NOP58: variants seen among roughly 807,000 people sequenced by gnomAD.
The protein encoded by NOP58 is NOP58 ribonucleoprotein.
Under a neutral mutation model 71.2 loss-of-function variants are expected in NOP58, and 44 were observed. The ratio of observed to expected loss-of-function variants is 0.62; its 90% CI spans 0.49 to 0.79. The LOEUF is 0.79. NOP58 is among the 30% of genes least tolerant of loss of function. The pLI is 0.00. For missense variants in NOP58, 538 were observed against 620.2 expected, an observed-to-expected ratio of 0.87 and a Z score of 1.41; for synonymous variants, 228 against 200.3, an observed-to-expected ratio of 1.14 and a Z score of -1.17.
At chr2:202,289,545 T>C (rs184614612) in intron 6 of NOP58, among the ~76,000 whole-genome samples, 1 of 152,302 alleles carries the variant, frequency 6.6e-6, no homozygotes, top group East Asian at 1.9e-4. Context: ...CTCATACGTG[T>C]TTGCAAATAC....
intron 14 of NOP58, 132 bp from the exon 15 acceptor site, chr2:202,303,254 G>T (rs1230910173): frequency 5.0e-6 from 7 of 1,403,682 alleles, no homozygotes; most frequent in Non-Finnish European, 6.8e-6. Context: ...TAAAAATCAA[G>T]TTTGCATTGA....
At chr2:202,280,648 A>T (rs1413586395) in intron 3 of NOP58, among the ~76,000 whole-genome samples, 28 of 151,220 alleles carry the variant, frequency 1.9e-4, no homozygotes, top group East Asian at 1.4e-3. Context: ...TTTTTTTTTT[A>T]AATAAAGAAA....
Position 202,291,149 on chromosome 2 carries a change from C to T in NOP58, c.659C>T (p.Ala220Val). Residue 220 changes from alanine (A) to valine (V), a missense_variant, in exon 8 of 15, where the codon GCC becomes GTC. Physicochemically the swap from Ala to Val is moderately conservative, Grantham distance 64. Transcript: ENST00000264279. ...KVGDRKNYAS[A>V]KLSELLPEEV... ...GGCGATAGGAAGAACTATGCCTCTGCCAAGCTTTCTGAGTTGCTGCCAGAA... is the reference window on the plus strand; with the variant it reads ...GGCGATAGGAAGAACTATGCCTCTGTCAAGCTTTCTGAGTTGCTGCCAGAA... The T allele has an allele frequency of 6.2e-7, 1 of 1,611,106 alleles. No individual in the cohort carries two copies. The highest frequency in any genetic ancestry group is 8.5e-7 in the Non-Finnish European group (1 of 1,179,248).
At chr2:202,267,530 C>A (rs1688437920) in intron 1 of NOP58, among the ~76,000 whole-genome samples, 1 of 152,108 alleles carries the variant, frequency 6.6e-6, no homozygotes, top group African/African-American at 2.4e-5. Flanking sequence ...TTTAGAGCTA[C>A]GAAACATGTC....
chr2:202,295,605 C>T, intron 9 of NOP58, 69 bp from the exon 10 acceptor site: 1 of 1,118,478 alleles, frequency 8.9e-7, no homozygotes, highest in Non-Finnish European at 1.2e-6. Context: ...TTCTATAGGT[C>T]TTTTGTTTCA....
At chr2:202,267,621 A>G (rs1302874608) in intron 1 of NOP58, among the ~76,000 whole-genome samples, 2 of 152,180 alleles carry the variant, frequency 1.3e-5, no homozygotes, top group African/African-American at 2.4e-5. Flanking sequence ...TCTCTTAGCC[A>G]ATGTGGTCTG....
intron 1 of NOP58, among the ~76,000 whole-genome samples, chr2:202,268,814 T>C (rs1688463634): frequency 6.6e-6 from 1 of 151,840 alleles, no homozygotes; most frequent in South Asian, 2.1e-4. Context: ...TTTCTCCATG[T>C]TGAGGCTGGT....
At chr2:202,266,917 A>G (rs115886091) in intron 1 of NOP58, among the ~76,000 whole-genome samples, 4,845 of 152,266 alleles carry the variant, frequency 0.032, 232 homozygotes, top group African/African-American at 0.11. Flanking sequence ...TGCGTTGTCT[A>G]TTAGACCTGA....
intron 8 of NOP58, 85 bp downstream of exon 8, chr2:202,291,355 CTTA>C (rs1390169195): frequency 3.0e-6 from 3 of 1,007,494 alleles, no homozygotes; most frequent in Non-Finnish European, 2.9e-6. Flanking sequence ...GATTTTTACA[CTTA>C]TTGTTGTTCA....
At chr2:202,269,275 G>A (rs529191656) in intron 1 of NOP58, among the ~76,000 whole-genome samples, 1 of 150,108 alleles carries the variant, frequency 6.7e-6, no homozygotes, top group South Asian at 2.1e-4. Flanking sequence ...GGGTTCAAAC[G>A]ATTTTCCTGC....
intron 11 of NOP58, 103 bp downstream of exon 11, chr2:202,297,616 T>C (rs533168538): frequency 4.2e-6 from 5 of 1,181,416 alleles, no homozygotes; most frequent in East Asian, 2.5e-5. Flanking sequence ...ATGATACTTA[T>C]TAGTATGTCT....
At chr2:202,285,941 TC>T (rs1261116283) in intron 5 of NOP58, among the ~76,000 whole-genome samples, 1 of 152,112 alleles carries the variant, frequency 6.6e-6, no homozygotes, top group Non-Finnish European at 1.5e-5. Context: ...ACGCCTGTAA[TC>T]CCAACACTTT....
At chr2:202,282,250 C>A (rs1688717925) in intron 3 of NOP58, 101 bp from the exon 4 acceptor site, 2 of 861,606 alleles carry the variant, frequency 2.3e-6, no homozygotes, top group Admixed American at 5.1e-5. Context: ...AATTCAAGCC[C>A]TTTGAAAGGC....
intron 5 of NOP58, 63 bp from the exon 6 acceptor site, chr2:202,287,597 G>T: frequency 3.9e-6 from 5 of 1,269,560 alleles, no homozygotes; most frequent in South Asian, 3.7e-5. Context: ...AAACTTTAAG[G>T]TGTTAATTTA....
chr2:202,297,388 A>G lies in NOP58; in HGVS notation c.1081A>G (p.Met361Val). The G allele has an allele frequency of 6.2e-7, 1 of 1,612,000 alleles. No individual in the cohort carries two copies. The highest frequency in any genetic ancestry group is 8.5e-7 in the Non-Finnish European group (1 of 1,178,994). The part of the protein sequence containing the change: ...SPKHKGKISR[M>V]LAAKTVLAIR... ...CATGTTTTTCTATTAGATTTCTCGA[A>G]TGCTGGCAGCCAAAACCGTTTTGGC... Residue 361 changes from methionine to valine, a missense_variant, in exon 11 of 15, where the codon ATG becomes GTG. Transcript: ENST00000264279.
chr2:202,291,812 A>AG lies in NOP58; in HGVS notation c.780+542_780+543insG, dbSNP rs1168671186. 3.4e-5 allele frequency among the ~76,000 whole-genome samples: 5 copies of AG among 149,154 alleles called. No individual in the cohort carries two copies. In the East Asian group the frequency reaches 9.8e-4, roughly 29 times the overall value. ...CAAGAGCAAAACTCCATCTCAAAAA[A>AG]AAAAAAAAAAAAAAAAAGGATGGCA... On this transcript the variant is annotated intron_variant, in intron 8 of 14. Transcript: ENST00000264279.
In NOP58 at chr2:202,291,258, T is replaced by A. The variant is rs780936221; in HGVS notation, c.768T>A (p.His256Gln). 6.2e-7 allele frequency: 1 copy of A among 1,605,026 alleles called. No individual in the cohort carries two copies. The highest frequency in any genetic ancestry group is 2.2e-5 in the East Asian group (1 of 44,666). The change falls in exon 8 of 15, where the codon CAT becomes CAA. Residue 256 changes from histidine (H) to glutamine (Q), a missense_variant. Physicochemically the swap from His to Gln is conservative, Grantham distance 24 (BLOSUM62 0). Transcript: ENST00000264279. ...VSEEDICNILHLCTQVIEISE... is the reference protein window; with the variant it reads ...VSEEDICNILQLCTQVIEISE... The stretch of plus-strand genomic sequence containing the variant: ...AAGAAGATATTTGCAATATTCTGCA[T>A]CTTTGCACCCAGGTAAATTTTACTC...
chr2:202,300,194 T>C, intron 12 of NOP58, 40 bp from the exon 13 acceptor site: 3 of 1,511,300 alleles, frequency 2.0e-6, no homozygotes, highest in Non-Finnish European at 2.7e-6. Flanking sequence ...CAATTCCAGA[T>C]ACTTGTTAGA....
Position 202,303,460 on chromosome 2 carries a change from A to G in NOP58, c.*24A>G, listed in dbSNP as rs1213853609. ...AACAGAAAGGAATTACGATTATATC[A>G]CCCGGACACACATCATGCTTAAGAT... is the stretch of plus-strand genomic sequence containing the variant. On this transcript the variant is annotated 3_prime_UTR_variant, in exon 15 of 15. Coordinates refer to ENST00000264279, the MANE Select transcript of NOP58 (RefSeq NM_015934.5). 1 of 1,597,122 alleles carries G rather than the reference A, an allele frequency of 6.3e-7. No homozygotes were observed. The highest frequency in any genetic ancestry group is 1.3e-5 in the African/African-American group (1 of 74,596).
Sources: allele counts gnomAD v4.1 joint callset (sites outside exome capture counted in the v4.1 genomes callset), GRCh38; gene constraint gnomAD v4.1.1; transcripts MANE v1.5; gene names NCBI Gene and HGNC (gene_info 2026-07-23, HGNC 2026-07-21).